DKC1: variants seen among roughly 807,000 people sequenced by gnomAD.
DKC1 encodes the protein H/ACA ribonucleoprotein complex subunit DKC1.
A neutral mutation model predicts 46.7 loss-of-function variants in DKC1; 4 were observed. That is an observed-to-expected ratio of 0.09 (90% CI 0.04 to 0.20). The LOEUF (loss-of-function observed/expected upper bound fraction) is 0.20. Among genes scored for constraint, DKC1 ranks in the 10% least tolerant of loss-of-function variants. The probability of loss-of-function intolerance (pLI) is 1.00; values close to 1 mark genes in which losing one functional copy is unlikely to be tolerated. For missense variants in DKC1, 171 were observed against 404.2 expected, an observed-to-expected ratio of 0.42 and a Z score of 4.95; for synonymous variants, 141 against 142.4, an observed-to-expected ratio of 0.99 and a Z score of 0.07.
intron 12 of DKC1, chrX:154,774,910 A>C: frequency 3.5e-6 from 2 of 570,439 alleles, no homozygotes; most frequent in Non-Finnish European, 6.4e-6. Context: ...GTTTGGGGCA[A>C]ACTTGCTAAA....
intron 1 of DKC1, among the ~76,000 whole-genome samples, chrX:154,764,215 T>C (rs1389543776): frequency 9.3e-6 from 1 of 107,923 alleles, no homozygotes; most frequent in Non-Finnish European, 1.9e-5. Flanking sequence ...ATATTATATA[T>C]GTATGTATTA....
At chrX:154,776,684 T>C in intron 14 of DKC1, 115 bp from the exon 15 acceptor site, 1 of 758,173 alleles carries the variant, frequency 1.3e-6, no homozygotes, top group East Asian at 3.3e-5. Flanking sequence ...AAAATATCCT[T>C]ACAGGTCCTG....
chrX:154,776,776 G>A, intron 14 of DKC1, 23 bp from the exon 15 acceptor site: 2 of 1,196,281 alleles, frequency 1.7e-6, no homozygotes, highest in South Asian at 1.8e-5. Context: ...GTATCTGTGA[G>A]CTTTCATTCT....
intron 1 of DKC1, among the ~76,000 whole-genome samples, chrX:154,764,523 T>G (rs1557263944): frequency 8.9e-6 from 1 of 112,161 alleles, no homozygotes; most frequent in Non-Finnish European, 1.9e-5. Context: ...AAACACATTA[T>G]TTAGCTGTAC....
In DKC1 at chrX:154,775,116, G is replaced by C. The variant is rs782454485; in HGVS notation, c.1260-79G>C. The C allele has an allele frequency of 1.2e-5, 12 of 963,321 alleles. No homozygotes were observed. In the South Asian group the frequency reaches 2.1e-4, roughly 17 times the overall value. 79.4% of individuals were successfully genotyped at this position (963,321 alleles called of 1,213,427 possible). On this transcript the variant is annotated intron_variant, in intron 12 of 14. Coordinates refer to ENST00000369550, the MANE Select transcript of DKC1 (RefSeq NM_001363.5). Reference sequence around the variant, plus strand: ...GTATTTTGATGGTGGCTTTAGACTTGCCAGATAACACTACATAACATCAGT... The same window carrying C: ...GTATTTTGATGGTGGCTTTAGACTTCCCAGATAACACTACATAACATCAGT...
intron 11 of DKC1, 78 bp downstream of exon 11, chrX:154,773,327 A>C (rs1346959597): frequency 4.3e-6 from 2 of 469,150 alleles, no homozygotes; most frequent in African/African-American, 6.1e-5. Context: ...TTTTATTGAT[A>C]ATTCTTGGGT....
intron 13 of DKC1, 100 bp from the exon 14 acceptor site, chrX:154,776,087 T>A (rs1406758645): frequency 3.8e-6 from 4 of 1,040,978 alleles, no homozygotes; most frequent in Middle Eastern, 2.5e-4. Flanking sequence ...TTAGATTCAG[T>A]TGGGATCTTT....
chrX:154,771,099 CTTAAG>C (rs1181257919), intron 10 of DKC1, among the ~76,000 whole-genome samples: 41 of 108,916 alleles, frequency 3.8e-4, no homozygotes, highest in African/African-American at 1.2e-3. Context: ...AAAATATACA[CTTAAG>C]TTATTATTGA....
rs1380588470 is a variant in DKC1 at position 154,777,401 on chromosome X, C to G, written c.*534C>G. The stretch of plus-strand genomic sequence containing the variant: ...TGGTAGTTTTCCATCTTGTTCTGGC[C>G]TAGAGGTCAGTCCTTTGCACTTCCT... On this transcript the variant is annotated 3_prime_UTR_variant, in exon 15 of 15. Transcript: ENST00000369550. 2.4e-5 allele frequency: 3 copies of G among 124,193 alleles called. No individual in the cohort carries two copies. In the Admixed American group the frequency reaches 2.4e-4, roughly 10 times the overall value. 10.2% of individuals were successfully genotyped at this position (124,193 alleles called of 1,213,427 possible).
Position 154,776,322 on chromosome X carries a change from G to A in DKC1, c.1474G>A (p.Gly492Arg). ...GLESGAEPGD[G>R]DSDTTKKKKK... ...GGAGAGCGGGGCCGAGCCTGGAGAT[G>A]GGGTGTGTGGAAACACGTTCAGGTT... is the stretch of plus-strand genomic sequence containing the variant. Residue 492 changes from glycine to arginine, a missense_variant and splice_region_variant, in exon 14 of 15, where the codon GGG (glycine) becomes AGG (arginine). Gly to Arg is a moderately radical substitution (Grantham distance 125). This residue lies in a region of DKC1 where 54 missense variants were observed against 64.4 expected (regional missense o/e 0.84). Coordinates refer to ENST00000369550, the MANE Select transcript of DKC1 (RefSeq NM_001363.5). 1 of 1,188,378 alleles carries A rather than the reference G, an allele frequency of 8.4e-7. No homozygotes were observed.
chrX:154,773,652 AGAG>A (rs1436125315), intron 11 of DKC1, among the ~76,000 whole-genome samples: 2 of 110,913 alleles, frequency 1.8e-5, no homozygotes, highest in African/African-American at 6.7e-5. Context: ...CCAAGGCAGA[AGAG>A]TTTTTCTTAG....
intron 2 of DKC1, 137 bp from the exon 3 acceptor site, chrX:154,765,307 C>G (rs1453895144): frequency 1.7e-6 from 1 of 590,911 alleles, no homozygotes; most frequent in African/African-American, 2.2e-5. Flanking sequence ...TCTTCTCTCT[C>G]TTTCCCTTGG....
Position 154,766,250 on chromosome X carries a change from C to T in DKC1, c.298C>T (p.Pro100Ser). The T allele has an allele frequency of 8.3e-7, 1 of 1,210,814 alleles. No homozygotes were observed. Among genetic ancestry groups the T allele is most frequent in the Non-Finnish European group, 1.1e-6 (1 of 895,149 alleles). The change falls in exon 5 of 15, where the codon CCC (proline) becomes TCC (serine). Residue 100 changes from proline (P) to serine (S), a missense_variant. Pro to Ser is a moderately conservative substitution (Grantham distance 74). Around this residue, in one of 4 missense-constraint regions of DKC1, gnomAD observed 41 missense variants for 117.3 expected, o/e 0.35. Transcript: ENST00000369550. ...GFINLDKPSN[P>S]SSHEVVAWIR... ...CATTAATCTTGACAAGCCCTCTAAC[C>T]CCTCTTCCCATGAGGTGGTAGCCTG...
chrX:154,767,990 A>G, intron 7 of DKC1: 1 of 272,831 alleles, frequency 3.7e-6, no homozygotes, highest in Non-Finnish European at 6.7e-6. Context: ...AGCTGGGACT[A>G]TAGGCGCCCG....
intron 1 of DKC1, among the ~76,000 whole-genome samples, chrX:154,763,606 C>G (rs2071708776): frequency 8.9e-6 from 1 of 112,051 alleles, no homozygotes; most frequent in South Asian, 3.7e-4. Context: ...TACATTTGGC[C>G]TTACACACCT....
At chrX:154,764,685 A>G (rs1603429377) in intron 1 of DKC1, among the ~76,000 whole-genome samples, 1 of 111,745 alleles carries the variant, frequency 8.9e-6, no homozygotes, top group Admixed American at 9.5e-5. Flanking sequence ...TCATCAAGAC[A>G]TCACTAGGAG....
intron 4 of DKC1, 75 bp downstream of exon 4, chrX:154,766,073 C>A: frequency 1.0e-6 from 1 of 990,645 alleles, no homozygotes; most frequent in Non-Finnish European, 1.4e-6. Context: ...TTCAGGAAGG[C>A]AGTGGCATGC....
chrX:154,771,187 G>GTTTTTTTTT (rs35962335), intron 10 of DKC1, among the ~76,000 whole-genome samples: 2 of 64,485 alleles, frequency 3.1e-5, no homozygotes, highest in Non-Finnish European at 5.7e-5. Flanking sequence ...TGGTGGTGGT[G>GTTTTTTTTT]TTTTTTTTTT....
intron 12 of DKC1, 66 bp downstream of exon 12, chrX:154,774,771 G>C: frequency 1.0e-6 from 1 of 960,329 alleles, no homozygotes; most frequent in Non-Finnish European, 1.5e-6. Flanking sequence ...TGATGCAGGA[G>C]TATGTCAACA....
Sources: allele counts gnomAD v4.1 joint callset (sites outside exome capture counted in the v4.1 genomes callset), GRCh38; gene constraint gnomAD v4.1.1; regional missense constraint gnomAD v4.1.1; transcripts MANE v1.5; gene names NCBI Gene and HGNC (gene_info 2026-07-23, HGNC 2026-07-21).